MAPKAP1: variants seen among roughly 807,000 people sequenced by gnomAD.
MAPKAP1 encodes MAPK associated protein 1.
A neutral mutation model predicts 65.7 loss-of-function variants in MAPKAP1; 20 were observed. That is an observed-to-expected ratio of 0.30 (90% CI 0.21 to 0.44). The LOEUF (loss-of-function observed/expected upper bound fraction) is 0.44, where lower values mean the gene tolerates loss of function less well. Ranked by LOEUF, MAPKAP1 falls within the 20% of genes least tolerant of loss-of-function variation. The pLI is 1.00. For missense variants in MAPKAP1, 423 were observed against 648.0 expected (o/e 0.65, Z 3.77); for synonymous variants, 222 against 244.3 (o/e 0.91, Z 0.85).
At chr9:125,681,449 C>T (rs976220411) in intron 1 of MAPKAP1, among the ~76,000 whole-genome samples, 1 of 152,206 alleles carries the variant, frequency 6.6e-6, no homozygotes, top group African/African-American at 2.4e-5. Flanking sequence ...GGACAAGCCT[C>T]CCACTAACCT....
chr9:125,698,665 T>C (rs1835506112), intron 1 of MAPKAP1, among the ~76,000 whole-genome samples: 1 of 152,044 alleles, frequency 6.6e-6, no homozygotes, highest in African/African-American at 2.4e-5. Context: ...TTTTTATTAA[T>C]AATTACATTA....
intron 7 of MAPKAP1, among the ~76,000 whole-genome samples, chr9:125,516,297 G>A (rs574328708): frequency 6.6e-6 from 1 of 152,116 alleles, no homozygotes; most frequent in Admixed American, 6.5e-5. Context: ...TCTTCAAGTC[G>A]ACAGAAAGCT....
intron 4 of MAPKAP1, among the ~76,000 whole-genome samples, chr9:125,596,919 T>C (rs2131601667): frequency 6.7e-6 from 1 of 149,434 alleles, no homozygotes; most frequent in East Asian, 2.0e-4. Flanking sequence ...TGCTGTTGAT[T>C]GCTAAATGTA....
chr9:125,484,987 CT>C (rs888997639), intron 8 of MAPKAP1, among the ~76,000 whole-genome samples: 3 of 152,120 alleles, frequency 2.0e-5, no homozygotes, highest in African/African-American at 7.2e-5. Context: ...AATCTCTGTC[CT>C]TTCCAAGATT....
At chr9:125,508,587 A>G (rs1185804697) in intron 7 of MAPKAP1, among the ~76,000 whole-genome samples, 6 of 152,194 alleles carry the variant, frequency 3.9e-5, no homozygotes, top group Non-Finnish European at 7.3e-5. Flanking sequence ...ATGGTGGCTC[A>G]CATCTGTTAT....
intron 1 of MAPKAP1, among the ~76,000 whole-genome samples, chr9:125,689,456 A>AC (rs1564618044): frequency 2.1e-5 from 3 of 139,608 alleles, no homozygotes; most frequent in Non-Finnish European, 3.1e-5. Flanking sequence ...AAAAAAAAAA[A>AC]AAAAAACAGG....
Position 125,698,301 on chromosome 9 carries a change from ATATAT to A in MAPKAP1, c.-70+8665_-70+8669del, listed in dbSNP as rs1835475532. On this transcript the variant is annotated intron_variant, in intron 1 of 11. Coordinates refer to ENST00000265960, the MANE Select transcript of MAPKAP1 (RefSeq NM_001006617.3). The stretch of plus-strand genomic sequence containing the variant: ...ATAATATATATAAATATATATATAT[ATATAT>A]ATATATATATATATATATATATATA... 3.1e-4 allele frequency among the ~76,000 whole-genome samples: 5 copies of A among 16,096 alleles called. No individual in the cohort carries two copies. The East Asian group carries it at 4.2e-3, about 14-fold the overall frequency. The allele number at this position is 16,096 out of a possible 152,430, so 10.6% of individuals were successfully genotyped here. A position where few individuals can be genotyped will look rare whatever the true frequency, so the allele number is the denominator to read the frequency against.
At chr9:125,612,822 G>A (rs1330129992) in intron 4 of MAPKAP1, among the ~76,000 whole-genome samples, 2 of 152,198 alleles carry the variant, frequency 1.3e-5, no homozygotes, top group African/African-American at 4.8e-5. Context: ...CCTCACAGGA[G>A]TGACTGACAC....
At chr9:125,502,657 A>C (rs995426736) in intron 8 of MAPKAP1, among the ~76,000 whole-genome samples, 2 of 152,180 alleles carry the variant, frequency 1.3e-5, no homozygotes, top group Non-Finnish European at 2.9e-5. Context: ...TGTATCACAT[A>C]TGATTTCAAT....
chr9:125,505,559 G>C (rs1366093181), intron 8 of MAPKAP1, among the ~76,000 whole-genome samples: 1 of 152,214 alleles, frequency 6.6e-6, no homozygotes, highest in Non-Finnish European at 1.5e-5. Flanking sequence ...TATAACGAGG[G>C]ACTCAAACGA....
At chr9:125,625,738 T>C (rs1833099111) in intron 4 of MAPKAP1, among the ~76,000 whole-genome samples, 1 of 152,122 alleles carries the variant, frequency 6.6e-6, no homozygotes, top group African/African-American at 2.4e-5. Context: ...GAGGTTGCAG[T>C]GAGCCGAGAT....
At chr9:125,646,998 C>T (rs575552266) in intron 4 of MAPKAP1, among the ~76,000 whole-genome samples, 13 of 152,316 alleles carry the variant, frequency 8.5e-5, no homozygotes, top group South Asian at 4.1e-4. Context: ...AAACATCTGC[C>T]GGAACACATG....
chr9:125,655,587 TAAAGAA>T (rs1194360400), intron 4 of MAPKAP1, among the ~76,000 whole-genome samples: 2 of 152,220 alleles, frequency 1.3e-5, no homozygotes, highest in South Asian at 2.1e-4. Context: ...TTCACAAAGA[TAAAGAA>T]AGACTAATTT....
At chr9:125,497,666 G>A (rs1297842088) in intron 8 of MAPKAP1, among the ~76,000 whole-genome samples, 1 of 152,232 alleles carries the variant, frequency 6.6e-6, no homozygotes, top group Non-Finnish European at 1.5e-5. Flanking sequence ...CACTGTCACA[G>A]GCTGCAAGTG....
intron 3 of MAPKAP1, among the ~76,000 whole-genome samples, chr9:125,667,231 A>G (rs1834364600): frequency 6.6e-6 from 1 of 152,226 alleles, no homozygotes; most frequent in South Asian, 2.1e-4. Flanking sequence ...AAAATCCTCT[A>G]TTTATTAGAT....
intron 4 of MAPKAP1, among the ~76,000 whole-genome samples, chr9:125,617,183 G>A (rs762111238): frequency 1.3e-5 from 2 of 151,996 alleles, no homozygotes; most frequent in Admixed American, 6.6e-5. Flanking sequence ...TTTGTAGATC[G>A]GGCACAATGG....
At chr9:125,596,400 G>A in intron 4 of MAPKAP1, 1 of 818,352 alleles carries the variant, frequency 1.2e-6, no homozygotes, top group Non-Finnish European at 2.1e-6. Context: ...TGGCTATAAT[G>A]GATTTGGTAC....
intron 4 of MAPKAP1, among the ~76,000 whole-genome samples, chr9:125,648,937 A>G (rs1027343256): frequency 7.0e-6 from 1 of 143,754 alleles, no homozygotes; most frequent in African/African-American, 2.5e-5. Flanking sequence ...ACTCTGACTC[A>G]AAAAAAAAAA....
rs532550732 is a variant in MAPKAP1 at position 125,447,742 on chromosome 9, C to G, written c.1346-3144G>C. ...AACGCAGGGAGCTGCCGTGGAGACA[C>G]CAAGGCAGAAGCACCTGGCCAGAGG... On this transcript the variant is annotated intron_variant, in intron 10 of 11. Coordinates refer to ENST00000265960, the MANE Select transcript of MAPKAP1 (RefSeq NM_001006617.3). The surrounding 1 kb of genome is among the most constrained non-coding windows in gnomAD (Gnocchi z 4.5). Among the ~76,000 whole-genome samples the G allele has an allele frequency of 6.6e-6, 1 of 151,996 alleles. No homozygotes were observed. The highest frequency in any genetic ancestry group is 1.5e-5 in the Non-Finnish European group (1 of 68,006).
Sources: gnomAD v4.1 joint callset for allele counts (sites outside exome capture counted in the v4.1 genomes callset) on GRCh38, gnomAD v4.1.1 for gene constraint, Gnocchi (gnomAD v3.1) non-coding constraint, MANE v1.5 for transcripts, NCBI Gene and HGNC (gene_info 2026-07-23, HGNC 2026-07-21) for gene names.